Variants in RNF40 observed in about 807,000 individuals in gnomAD.
The protein encoded by RNF40 is E3 ubiquitin-protein ligase BRE1B.
In RNF40, 39 loss-of-function variants were observed where a neutral mutation model predicts 123.3. The ratio of observed to expected loss-of-function variants is 0.32; its 90% CI spans 0.24 to 0.41. RNF40 has a LOEUF of 0.41. RNF40 is among the 10% of genes least tolerant of loss of function. RNF40 has a pLI of 1.00. For missense variants in RNF40, 1,003 were observed against 1,319.9 expected (o/e 0.76, Z 3.72); for synonymous variants, 538 against 526.0 (o/e 1.02, Z -0.31).
Position 30,766,931 on chromosome 16 carries a change from G to C in RNF40, c.1429+55G>C. ...GCCTTATCTGGGAGTGCTGGGCCCT[G>C]GTGTGGGGCTGCTGCTTATCCAGAT... On this transcript the variant is annotated intron_variant, in intron 11 of 19. Coordinates refer to ENST00000324685, the MANE Select transcript of RNF40 (RefSeq NM_014771.4). This position sits in a 1 kb window ranked among gnomAD's most constrained non-coding sequence, Gnocchi z 5.4. 1 of 1,589,444 alleles carries C rather than the reference G, an allele frequency of 6.3e-7. No individual in the cohort carries two copies. The highest frequency in any genetic ancestry group is 8.6e-7 in the Non-Finnish European group (1 of 1,166,974).
chr16:30,763,255 A>T lies in RNF40; in HGVS notation c.270A>T (p.Thr90=), dbSNP rs1227853811. Reference sequence around the variant, plus strand: ...AGCGGCAGGCCACAGATGATGCCACACTCCTCATCGTCAATCGCTACTGGG... The same window carrying T: ...AGCGGCAGGCCACAGATGATGCCACTCTCCTCATCGTCAATCGCTACTGGG... ...LEKRQATDDA[T]LLIVNRYWAQ... The change falls in exon 3 of 20, where the codon ACA becomes ACT. Residue 90 remains threonine, a synonymous_variant. Transcript: ENST00000324685. 6.2e-7 allele frequency: 1 copy of T among 1,613,732 alleles called. No individual in the cohort carries two copies. The highest frequency in any genetic ancestry group is 1.7e-5 in the Admixed American group (1 of 59,994).
Position 30,769,558 on chromosome 16 carries a change from G to C in RNF40, c.2544G>C (p.Glu848Asp), listed in dbSNP as rs1441742284. The C allele has an allele frequency of 1.2e-6, 2 of 1,609,116 alleles. No individual in the cohort carries two copies. The highest frequency in any genetic ancestry group is 8.5e-7 in the Non-Finnish European group (1 of 1,177,596). ...GCAGCCTCGGGGGTGTGGAGAAGGA[G>C]CTGACGCTGCGCAGCCAAGCCCTGG... ...LQGSLGGVEK[E>D]LTLRSQALEL... Residue 848 changes from glutamate (E) to aspartate (D), a missense_variant, in exon 17 of 20, where the codon GAG becomes GAC. Coordinates refer to ENST00000324685, the MANE Select transcript of RNF40 (RefSeq NM_014771.4).
Position 30,775,015 on chromosome 16 carries a change from C to T in RNF40, c.*901C>T, listed in dbSNP as rs1347378953. The T allele has an allele frequency of 6.6e-6, 3 of 456,440 alleles. No individual in the cohort carries two copies. Among genetic ancestry groups the T allele is most frequent in the African/African-American group, 6.0e-5 (3 of 50,078 alleles). The allele number at this position is 456,440 out of a possible 1,614,324, so 28.3% of individuals were successfully genotyped here. ...AGAGCTTCCCCCTGACACCCTGTGACTGAGCCTGTGTCCTGTCTGCCTGCC... is the reference window on the plus strand; with the variant it reads ...AGAGCTTCCCCCTGACACCCTGTGATTGAGCCTGTGTCCTGTCTGCCTGCC... On this transcript the variant is annotated 3_prime_UTR_variant, in exon 20 of 20. Transcript: ENST00000324685.
rs867945464 is a variant in RNF40 at position 30,766,201 on chromosome 16, A to G, written c.1032A>G (p.Glu344=). 1 of 1,614,176 alleles carries G rather than the reference A, an allele frequency of 6.2e-7. No individual in the cohort carries two copies. Among genetic ancestry groups the G allele is most frequent in the Middle Eastern group, 1.6e-4 (1 of 6,062 alleles). Residue 344 remains glutamate, a synonymous_variant, in exon 9 of 20, where the codon GAA becomes GAG. Coordinates refer to ENST00000324685, the MANE Select transcript of RNF40 (RefSeq NM_014771.4). The surrounding 1 kb of genome is among the most constrained non-coding windows in gnomAD (Gnocchi z 5.4). The stretch of plus-strand genomic sequence containing the variant: ...ATGCAGAGTTAGAGGAAAACCAGGA[A>G]CTGGCCAACAGCCGTATGGCAGAGC... ...MLNAELEENQ[E]LANSRMAELE... is the part of the protein sequence containing the mutation.
upstream of RNF40, chr16:30,761,970 C>T (rs2053836768): frequency 3.5e-6 from 2 of 574,564 alleles, no homozygotes; most frequent in Non-Finnish European, 6.1e-6. Context: ...GCGGAAAGCG[C>T]AGGCTCACGC....
At chr16:30,771,548 C>T (rs997360826) in intron 17 of RNF40, among the ~76,000 whole-genome samples, 1 of 151,936 alleles carries the variant, frequency 6.6e-6, no homozygotes, top group Non-Finnish European at 1.5e-5. Context: ...ACCCAGGAGT[C>T]GGAGGTTGCA....
At chr16:30,773,656 G>A (rs1427518576) in intron 19 of RNF40, 1 of 330,812 alleles carries the variant, frequency 3.0e-6, no homozygotes, top group Non-Finnish European at 5.5e-6. Context: ...CCCCAAGGCA[G>A]AGTCCAGGCT....
chr16:30,771,738 T>C, intron 17 of RNF40, 95 bp from the exon 18 acceptor site: 1 of 1,400,716 alleles, frequency 7.1e-7, no homozygotes, highest in Non-Finnish European at 9.6e-7. Flanking sequence ...CAGGTGTCAC[T>C]GGGGCCCTGG....
Position 30,763,164 on chromosome 16 carries a change from C to T in RNF40, c.179C>T (p.Ala60Val). 2 of 1,614,066 alleles carry T rather than the reference C, an allele frequency of 1.2e-6. No homozygotes were observed. The highest frequency in any genetic ancestry group is 1.7e-6 in the Non-Finnish European group (2 of 1,180,038). ...CTACAGTTCAAGAACAAGAAACTGG[C>T]AGAGCGGCTGGAACAACGGCAGGCT... ...KVLQFKNKKLAERLEQRQACE... is the reference protein window; with the variant it reads ...KVLQFKNKKLVERLEQRQACE... The change falls in exon 3 of 20, where the codon GCA becomes GTA. Residue 60 changes from alanine to valine, a missense_variant. Transcript: ENST00000324685.
chr16:30,769,557 AGCTGAC>A lies in RNF40; in HGVS notation c.2548_2553del (p.Thr850_Leu851del). On this transcript the variant is annotated inframe_deletion, in exon 17 of 20. Transcript: ENST00000324685. ...GGCAGCCTCGGGGGTGTGGAGAAGG[AGCTGAC>A]GCTGCGCAGCCAAGCCCTGGAGCTC... The A allele has an allele frequency of 1.9e-6, 3 of 1,610,100 alleles. No homozygotes were observed. Among genetic ancestry groups the A allele is most frequent in the Non-Finnish European group, 2.5e-6 (3 of 1,178,102 alleles).
In RNF40 at chr16:30,768,923, G is replaced by C. The variant is rs759462704; in HGVS notation, c.2183G>C (p.Arg728Pro). 9.9e-6 allele frequency: 16 copies of C among 1,614,036 alleles called. No individual in the cohort carries two copies. The highest frequency in any genetic ancestry group is 1.4e-5 in the Non-Finnish European group (16 of 1,180,048). ...AAGATCGCGGATGAGGATGCCCTGC[G>C]GCGCATTCGGCAGGCAGAGGAGCAG... ...SKKIADEDALRRIRQAEEQIE... is the reference protein window; with the variant it reads ...SKKIADEDALPRIRQAEEQIE... The change falls in exon 15 of 20, where the codon CGG (arginine) becomes CCG (proline). Residue 728 changes from arginine (R) to proline (P), a missense_variant. Transcript: ENST00000324685. This position sits in a 1 kb window ranked among gnomAD's most constrained non-coding sequence, Gnocchi z 4.1.
At position 30,768,902 on chromosome 16, in the gene RNF40, T is replaced by G; in HGVS notation, c.2162T>G (p.Ile721Ser). 2 of 1,614,132 alleles carry G rather than the reference T, an allele frequency of 1.2e-6. No homozygotes were observed. Among genetic ancestry groups the G allele is most frequent in the Non-Finnish European group, 1.7e-6 (2 of 1,180,016 alleles). Reference protein sequence around the residue: ...EERDRRESKKIADEDALRRIR... With the variant: ...EERDRRESKKSADEDALRRIR... ...AGGGATCGAAGGGAGAGCAAGAAGA[T>G]CGCGGATGAGGATGCCCTGCGGCGC... is the stretch of plus-strand genomic sequence containing the variant. The change falls in exon 15 of 20, where the codon ATC (isoleucine) becomes AGC (serine). Residue 721 changes from isoleucine (I) to serine (S), a missense_variant. Ile to Ser is a moderately radical substitution (Grantham distance 142). This residue lies in a region of RNF40 where 295 missense variants were observed against 331.7 expected (regional missense o/e 0.89). Transcript: ENST00000324685. The surrounding 1 kb of genome is among the most constrained non-coding windows in gnomAD (Gnocchi z 4.1).
In RNF40 at chr16:30,774,524, G is replaced by A. The variant is rs932344534; in HGVS notation, c.*410G>A. The A allele has an allele frequency of 9.2e-6, 2 of 218,478 alleles. No homozygotes were observed. Among genetic ancestry groups the A allele is most frequent in the African/African-American group, 4.6e-5 (2 of 43,612 alleles). 13.5% of individuals were successfully genotyped at this position (218,478 alleles called of 1,614,324 possible). ...CCTACTGGCTCACAAATGAGGACCA[G>A]TGAGCCATGTCCTTGTTCCTTGTTT... On this transcript the variant is annotated 3_prime_UTR_variant, in exon 20 of 20. Transcript: ENST00000324685.
chr16:30,765,334 C>T lies in RNF40; in HGVS notation c.918+7C>T. The T allele has an allele frequency of 6.2e-7, 1 of 1,614,148 alleles. No individual in the cohort carries two copies. Among genetic ancestry groups the T allele is most frequent in the Non-Finnish European group, 8.5e-7 (1 of 1,179,992 alleles). The stretch of plus-strand genomic sequence containing the variant: ...GGCAGAGGCCTTAGAGCAGGTGGGG[C>T]AGGGGTGCTGGGGCAGGTGAGGCAA... On this transcript the variant is annotated splice_region_variant and intron_variant, in intron 7 of 19. Coordinates refer to ENST00000324685, the MANE Select transcript of RNF40 (RefSeq NM_014771.4).
At chr16:30,763,057 CTG>C (rs1455161438) in intron 2 of RNF40, 59 bp from the exon 3 acceptor site, 5 of 1,587,246 alleles carry the variant, frequency 3.2e-6, no homozygotes, top group Non-Finnish European at 3.5e-6. Flanking sequence ...CTTTCTCTCT[CTG>C]TGATTGGTTT....
In RNF40 at chr16:30,769,230, T is replaced by A. The variant is rs1274419096; in HGVS notation, c.2292T>A (p.Ala764=). 1 of 1,614,220 alleles carries A rather than the reference T, an allele frequency of 6.2e-7. No individual in the cohort carries two copies. The highest frequency in any genetic ancestry group is 8.5e-7 in the Non-Finnish European group (1 of 1,180,042). Residue 764 remains alanine, a synonymous_variant, in exon 16 of 20, where the codon GCT becomes GCA. Coordinates refer to ENST00000324685, the MANE Select transcript of RNF40 (RefSeq NM_014771.4). The part of the protein sequence containing the change: ...LLSEMDVTGQ[A]FEDMQEQNGR... ...CAGAGATGGATGTGACAGGTCAGGC[T>A]TTTGAGGACATGCAGGAACAGAACG...
At chr16:30,762,042 T>A, upstream of RNF40, 1 of 471,518 alleles carries the variant, frequency 2.1e-6, no homozygotes, top group Non-Finnish European at 3.7e-6. Context: ...CTGGGCGCCC[T>A]CTCTTCCAGG....
Position 30,774,362 on chromosome 16 carries a change from G to T in RNF40, c.*248G>T. 1 of 470,956 alleles carries T rather than the reference G, an allele frequency of 2.1e-6. No homozygotes were observed. 29.2% of individuals were successfully genotyped at this position (470,956 alleles called of 1,614,324 possible). On this transcript the variant is annotated 3_prime_UTR_variant, in exon 20 of 20. Coordinates refer to ENST00000324685, the MANE Select transcript of RNF40 (RefSeq NM_014771.4). Reference sequence around the variant, plus strand: ...ACTGCCCTACAGAAAAGGTCTGCCTGAGAGGCCTGAGGAGCCCAGAGCACT... The same window carrying T: ...ACTGCCCTACAGAAAAGGTCTGCCTTAGAGGCCTGAGGAGCCCAGAGCACT...
chr16:30,767,851 C>G (rs1401480586), intron 11 of RNF40, 43 bp from the exon 12 acceptor site: 2 of 1,613,792 alleles, frequency 1.2e-6, no homozygotes, highest in African/African-American at 2.7e-5. Context: ...AGTCCTAACC[C>G]AGGAACTGGT....
Sources: gnomAD v4.1 joint callset for allele counts (sites outside exome capture counted in the v4.1 genomes callset) on GRCh38, gnomAD v4.1.1 for gene constraint, gnomAD v4.1.1 regional missense constraint, Gnocchi (gnomAD v3.1) non-coding constraint, MANE v1.5 for transcripts, NCBI Gene and HGNC (gene_info 2026-07-23, HGNC 2026-07-21) for gene names.